The following ENPP3 variants were observed in gnomAD, a reference collection of about 807,000 sequenced individuals.
The protein encoded by ENPP3 is ectonucleotide pyrophosphatase/phosphodiesterase family member 3.
In ENPP3, 104 loss-of-function variants were observed where a neutral mutation model predicts 117.8. The ratio of observed to expected loss-of-function variants is 0.88; its 90% CI spans 0.75 to 1.04. The LOEUF is 1.04. Ranked by LOEUF, ENPP3 falls within the 50% of genes least tolerant of loss-of-function variation. ENPP3 has a pLI of 0.00. For synonymous variants in ENPP3, 380 were observed against 349.9 expected, an observed-to-expected ratio of 1.09 and a Z score of -0.96; for missense variants, 1,026 against 1,051.9, an observed-to-expected ratio of 0.98 and a Z score of 0.34.
chr6:131,685,426 T>A lies in ENPP3; in HGVS notation c.1183T>A (p.Phe395Ile), dbSNP rs752894834. 2 of 1,613,502 alleles carry A rather than the reference T, an allele frequency of 1.2e-6. No homozygotes were observed. Among genetic ancestry groups the A allele is most frequent in the Admixed American group, 1.7e-5 (1 of 60,032 alleles). Residue 395 changes from phenylalanine to isoleucine, a missense_variant, in exon 13 of 25, where the codon TTC becomes ATC. Phe to Ile is a conservative substitution (Grantham distance 21). Transcript: ENST00000357639. ...YMTDYFPRIN[F>I]FYMYEGPAPR... The stretch of plus-strand genomic sequence containing the variant: ...GACTGATTATTTTCCCAGAATAAAC[T>A]TCTTCTACATGTACGAAGGGCCTGC...
Position 131,670,995 on chromosome 6 carries a change from G to T in ENPP3, c.563-253G>T, listed in dbSNP as rs74556395. On this transcript the variant is annotated intron_variant, in intron 6 of 24. Coordinates refer to ENST00000357639, the MANE Select transcript of ENPP3 (RefSeq NM_005021.5). ...AACAAAGACCATATAGCTTTGCAAAGCCCAACATGTGTATCACTGGCTCTT... is the reference window on the plus strand; with the variant it reads ...AACAAAGACCATATAGCTTTGCAAATCCCAACATGTGTATCACTGGCTCTT... Among the ~76,000 whole-genome samples the T allele has an allele frequency of 7.9e-3, 1,207 of 152,142 alleles. 11 individuals are homozygous for T. Among genetic ancestry groups the T allele is most frequent in the African/African-American group, 0.024 (1,007 of 41,504 alleles).
chr6:131,678,953 C>CTTTCTTTCTTTCT (rs1562446558), intron 11 of ENPP3, among the ~76,000 whole-genome samples: 3 of 104,690 alleles, frequency 2.9e-5, no homozygotes, highest in Non-Finnish European at 5.2e-5. Context: ...TTCTTTCTTT[C>CTTTCTTTCTTTCT]TTTCTTTCCT....
chr6:131,728,026 G>A (rs775135259), intron 20 of ENPP3, among the ~76,000 whole-genome samples: 2 of 152,148 alleles, frequency 1.3e-5, no homozygotes, highest in Non-Finnish European at 2.9e-5. Flanking sequence ...TCAATGGTTC[G>A]ATTGTGGTCA....
chr6:131,662,310 T>C (rs1008278404), intron 6 of ENPP3, among the ~76,000 whole-genome samples: 1 of 152,120 alleles, frequency 6.6e-6, no homozygotes. Context: ...GATGGTGTGA[T>C]CTCAGCTCAC....
chr6:131,717,715 T>A (rs1360034790), intron 15 of ENPP3, among the ~76,000 whole-genome samples: 5 of 152,158 alleles, frequency 3.3e-5, no homozygotes, highest in Non-Finnish European at 4.4e-5. Flanking sequence ...AAGGTAAACA[T>A]AATTATAATA....
At chr6:131,690,594 A>T (rs1779255940) in intron 14 of ENPP3, among the ~76,000 whole-genome samples, 1 of 152,180 alleles carries the variant, frequency 6.6e-6, no homozygotes, top group African/African-American at 2.4e-5. Context: ...GGTGGTCTGG[A>T]AGTGAGTTCA....
At chr6:131,640,148 A>T (rs1585605124) in intron 1 of ENPP3, among the ~76,000 whole-genome samples, 1 of 152,210 alleles carries the variant, frequency 6.6e-6, no homozygotes, top group Non-Finnish European at 1.5e-5. Context: ...TTTTTCTAGC[A>T]AGTTTGAACA....
chr6:131,730,766 T>C (rs181810583), intron 20 of ENPP3, among the ~76,000 whole-genome samples: 1 of 152,154 alleles, frequency 6.6e-6, no homozygotes, highest in East Asian at 1.9e-4. Flanking sequence ...AATACAAAAA[T>C]TAGCTGGGCG....
chr6:131,688,806 C>A (rs1030693012), intron 14 of ENPP3, among the ~76,000 whole-genome samples: 2 of 150,020 alleles, frequency 1.3e-5, no homozygotes, highest in Non-Finnish European at 2.9e-5. Flanking sequence ...AATCCTAGCA[C>A]TTTGGGAGGC....
chr6:131,652,762 A>T, intron 4 of ENPP3, 69 bp from the exon 5 acceptor site: 1 of 1,591,770 alleles, frequency 6.3e-7, no homozygotes, highest in Non-Finnish European at 8.6e-7. Flanking sequence ...ATCAAAACAC[A>T]TCGGAGAATC....
intron 11 of ENPP3, among the ~76,000 whole-genome samples, chr6:131,678,933 CTTTCTTTCTTTCTTTCTTTCT>C (rs1778937677): frequency 1.2e-5 from 1 of 82,550 alleles, no homozygotes; most frequent in African/African-American, 9.4e-5. Context: ...TTCTTTCTTT[CTTTCTTTCTTTCTTTCTTTCT>C]TTCTTTCCTT....
intron 11 of ENPP3, among the ~76,000 whole-genome samples, chr6:131,679,010 C>T (rs1306238184): frequency 1.1e-4 from 9 of 80,026 alleles, no homozygotes; most frequent in African/African-American, 4.1e-4. Context: ...TGCTTCCTTC[C>T]TTCCTTCCTT....
intron 6 of ENPP3, among the ~76,000 whole-genome samples, chr6:131,659,879 G>C (rs954557085): frequency 3.3e-5 from 5 of 152,088 alleles, no homozygotes; most frequent in Admixed American, 3.3e-4. Flanking sequence ...GACTAGCCAG[G>C]GTGAACTGAA....
intron 1 of ENPP3, among the ~76,000 whole-genome samples, chr6:131,639,963 A>AAATAAT (rs990730675): frequency 2.6e-5 from 4 of 151,854 alleles, no homozygotes; most frequent in Admixed American, 2.0e-4. Context: ...CTCCAACTCT[A>AAATAAT]AATAATAATA....
intron 7 of ENPP3, among the ~76,000 whole-genome samples, chr6:131,671,668 C>T (rs185067501): frequency 3.9e-5 from 6 of 152,314 alleles, no homozygotes; most frequent in Non-Finnish European, 5.9e-5. Flanking sequence ...TATATAGGGA[C>T]AACTACTTTG....
intron 14 of ENPP3, among the ~76,000 whole-genome samples, 195 bp from the exon 15 acceptor site, chr6:131,693,302 T>G (rs1329997657): frequency 6.7e-6 from 1 of 149,562 alleles, no homozygotes; most frequent in Non-Finnish European, 1.5e-5. Flanking sequence ...GCAACCTGAT[T>G]ATCATTGCAA....
At chr6:131,734,124 T>G (rs1308696543) in intron 21 of ENPP3, among the ~76,000 whole-genome samples, 1 of 151,992 alleles carries the variant, frequency 6.6e-6, no homozygotes, top group Non-Finnish European at 1.5e-5. Flanking sequence ...GCAGAACATG[T>G]ACTAAAATAG....
intron 14 of ENPP3, among the ~76,000 whole-genome samples, chr6:131,686,639 A>G (rs530051289): frequency 1.3e-5 from 2 of 152,282 alleles, no homozygotes; most frequent in East Asian, 3.9e-4. Context: ...ATTGTACCCA[A>G]TAAGTAGTTT....
intron 19 of ENPP3, among the ~76,000 whole-genome samples, chr6:131,724,617 C>T (rs368355259): frequency 6.6e-6 from 1 of 152,104 alleles, no homozygotes; most frequent in Non-Finnish European, 1.5e-5. Context: ...TCAGTTTCAT[C>T]GCTTATAAGG....
Sources: gnomAD v4.1 joint callset for allele counts (sites outside exome capture counted in the v4.1 genomes callset) on GRCh38, gnomAD v4.1.1 for gene constraint, MANE v1.5 for transcripts, NCBI Gene and HGNC (gene_info 2026-07-23, HGNC 2026-07-21) for gene names.